The following TBC1D5 variants were observed in gnomAD, a reference collection of about 807,000 sequenced individuals.
TBC1D5 encodes TBC1 domain family member 5, also known as TBC1 domain family, member 5.
Under a neutral mutation model 100.3 loss-of-function variants are expected in TBC1D5, and 75 were observed. The observed-to-expected ratio is 0.75, with a 90% CI of 0.62 to 0.91. The LOEUF (loss-of-function observed/expected upper bound fraction) is 0.91, where lower values mean the gene tolerates loss of function less well. Among genes scored for constraint, TBC1D5 ranks in the 40% least tolerant of loss-of-function variants. The pLI is 0.00. For missense variants in TBC1D5, 910 were observed against 942.4 expected, an observed-to-expected ratio of 0.97 and a Z score of 0.45; for synonymous variants, 323 against 325.6, an observed-to-expected ratio of 0.99 and a Z score of 0.09.
chr3:17,234,431 G>GAAA (rs36030574), intron 17 of TBC1D5, among the ~76,000 whole-genome samples: 9,830 of 144,714 alleles, frequency 0.068, 405 homozygotes, highest in Non-Finnish European at 0.096. Context: ...AAGGAAACAG[G>GAAA]AAAAAAAAAA....
At chr3:17,253,115 T>A (rs555945975) in intron 16 of TBC1D5, among the ~76,000 whole-genome samples, 1 of 152,336 alleles carries the variant, frequency 6.6e-6, no homozygotes, top group South Asian at 2.1e-4. Flanking sequence ...CTGAACAACT[T>A]CCATTTTATA....
At chr3:17,351,016 T>G (rs1415012311) in intron 13 of TBC1D5, among the ~76,000 whole-genome samples, 1 of 152,176 alleles carries the variant, frequency 6.6e-6, no homozygotes. Context: ...AGCTCTAATA[T>G]TCACATAAAC....
intron 13 of TBC1D5, among the ~76,000 whole-genome samples, chr3:17,310,341 G>T (rs960675670): frequency 6.6e-6 from 1 of 152,018 alleles, no homozygotes; most frequent in Admixed American, 6.6e-5. Context: ...TACACACAAT[G>T]CATGTCTTTA....
At chr3:17,411,042 C>G (rs971607756) in intron 4 of TBC1D5, among the ~76,000 whole-genome samples, 1 of 152,062 alleles carries the variant, frequency 6.6e-6, no homozygotes, top group South Asian at 2.1e-4. Flanking sequence ...AAGAGTCAAT[C>G]TATGTGGCAT....
chr3:17,311,002 T>C (rs2083967741), intron 13 of TBC1D5, among the ~76,000 whole-genome samples: 1 of 152,034 alleles, frequency 6.6e-6, no homozygotes, highest in Non-Finnish European at 1.5e-5. Context: ...TGGGCTTTCT[T>C]CATTGAGCTT....
At chr3:17,615,158 T>A (rs1430482777) in intron 2 of TBC1D5, among the ~76,000 whole-genome samples, 2 of 152,226 alleles carry the variant, frequency 1.3e-5, no homozygotes, top group African/African-American at 4.8e-5. Context: ...GTTTTTGTTG[T>A]TAGTTCTGTT....
chr3:17,609,882 C>G (rs2061559367), intron 2 of TBC1D5, among the ~76,000 whole-genome samples: 1 of 152,192 alleles, frequency 6.6e-6, no homozygotes, highest in African/African-American at 2.4e-5. Context: ...CCCTAAATGT[C>G]TCTACCTGAC....
Position 17,484,058 on chromosome 3 carries a change from C to T in TBC1D5, c.97+24416G>A, listed in dbSNP as rs189865813. ...TCATTAGGTAAAGATACTACCTATA[C>T]CACCACTCACTGGATATTAAGTATC... On this transcript the variant is annotated intron_variant, in intron 3 of 21. Coordinates refer to ENST00000253692, the Ensembl canonical transcript of TBC1D5. Among the ~76,000 whole-genome samples, 529 of 152,190 alleles carry T rather than the reference C, an allele frequency of 3.5e-3. 4 individuals are homozygous for T. Among genetic ancestry groups the T allele is most frequent in the African/African-American group, 0.012 (501 of 41,530 alleles).
At chr3:17,523,600 T>C (rs934457036) in intron 2 of TBC1D5, among the ~76,000 whole-genome samples, 2 of 152,102 alleles carry the variant, frequency 1.3e-5, no homozygotes, top group Non-Finnish European at 2.9e-5. Context: ...GACAATAAAA[T>C]AGTAAATACC....
chr3:17,357,803 G>T (rs2091352623), intron 13 of TBC1D5, among the ~76,000 whole-genome samples: 1 of 152,152 alleles, frequency 6.6e-6, no homozygotes, highest in African/African-American at 2.4e-5. Flanking sequence ...CATTGAATAG[G>T]AGACAAGATC....
intron 1 of TBC1D5, among the ~76,000 whole-genome samples, chr3:17,691,336 T>C (rs1222367710): frequency 2.0e-4 from 31 of 152,238 alleles, no homozygotes; most frequent in East Asian, 1.9e-4. Context: ...TTGTCACTTC[T>C]AGAATGTTTT....
intron 2 of TBC1D5, among the ~76,000 whole-genome samples, chr3:17,584,331 A>G (rs2096719221): frequency 6.6e-6 from 1 of 152,218 alleles, no homozygotes; most frequent in Admixed American, 6.5e-5. Flanking sequence ...AAAATGGTGA[A>G]TTCTGTGTTA....
chr3:17,223,967 T>A (rs917784765), intron 17 of TBC1D5, among the ~76,000 whole-genome samples: 1 of 152,006 alleles, frequency 6.6e-6, no homozygotes, highest in Non-Finnish European at 1.5e-5. Flanking sequence ...CCAATATATA[T>A]AATTAAATTT....
intron 2 of TBC1D5, among the ~76,000 whole-genome samples, chr3:17,590,177 G>A (rs2096757521): frequency 1.3e-5 from 2 of 152,164 alleles, no homozygotes; most frequent in East Asian, 1.9e-4. Flanking sequence ...AAAAAGAACT[G>A]TTTGAGTTTT....
rs571283584 is a variant in TBC1D5, at chr3:17,267,060, C to T, written c.1246-8469G>A. ...CATCCCCATCTATACCCTGGCAAGCCGAGATCTCAGATGGCAGAGAAGCAT... is the reference window on the plus strand; with the variant it reads ...CATCCCCATCTATACCCTGGCAAGCTGAGATCTCAGATGGCAGAGAAGCAT... On this transcript the variant is annotated intron_variant, in intron 15 of 21. Transcript: ENST00000253692. Among the ~76,000 whole-genome samples the T allele has an allele frequency of 1.8e-4, 27 of 152,188 alleles. No homozygotes were observed. The South Asian group carries it at 5.2e-3, about 29-fold the overall frequency.
At chr3:17,228,658 C>A (rs1450473849) in intron 17 of TBC1D5, among the ~76,000 whole-genome samples, 1 of 152,004 alleles carries the variant, frequency 6.6e-6, no homozygotes, top group Non-Finnish European at 1.5e-5. Flanking sequence ...AAGTCATGTG[C>A]CCTGGTGTGA....
intron 2 of TBC1D5, among the ~76,000 whole-genome samples, chr3:17,533,400 A>G (rs2096252427): frequency 6.6e-6 from 1 of 152,178 alleles, no homozygotes; most frequent in Admixed American, 6.5e-5. Context: ...GAGCTCCTAC[A>G]CTAGTGTATG....
chr3:17,612,193 G>C (rs1308542298), intron 2 of TBC1D5, among the ~76,000 whole-genome samples: 1 of 151,534 alleles, frequency 6.6e-6, no homozygotes, highest in Non-Finnish European at 1.5e-5. Context: ...CCAGTTACTT[G>C]GAAGGCTGAG....
chr3:17,731,362 A>G (rs1292105205), intron 1 of TBC1D5, among the ~76,000 whole-genome samples: 1 of 152,028 alleles, frequency 6.6e-6, no homozygotes, highest in African/African-American at 2.4e-5. Context: ...TTTGCTGGGC[A>G]TGGTGGCACA....
Sources: gnomAD v4.1 joint callset for allele counts (sites outside exome capture counted in the v4.1 genomes callset) on GRCh38, gnomAD v4.1.1 for gene constraint, MANE v1.5 for transcripts, NCBI Gene and HGNC (gene_info 2026-07-23, HGNC 2026-07-21) for gene names.